The following RICTOR variants were observed in gnomAD, a reference collection of about 807,000 sequenced individuals.
RICTOR encodes the protein rapamycin-insensitive companion of mTOR.
In RICTOR, 49 loss-of-function variants were observed where a neutral mutation model predicts 214.9. That is an observed-to-expected ratio of 0.23 (90% CI 0.18 to 0.29). The LOEUF (loss-of-function observed/expected upper bound fraction) is 0.29, where lower values mean the gene tolerates loss of function less well. Ranked by LOEUF, RICTOR falls within the 10% of genes least tolerant of loss-of-function variation. The probability of loss-of-function intolerance (pLI) is 1.00; values close to 1 mark genes in which losing one functional copy is unlikely to be tolerated. For missense variants in RICTOR, 1,625 were observed against 2,047.0 expected, an observed-to-expected ratio of 0.79 and a Z score of 3.98; for synonymous variants, 717 against 711.3, an observed-to-expected ratio of 1.01 and a Z score of -0.13.
chr5:38,999,027 C>CAAAAAAAAAAAAAAA (rs1186312478), intron 5 of RICTOR, among the ~76,000 whole-genome samples: 5 of 25,326 alleles, frequency 2.0e-4, no homozygotes, highest in African/African-American at 3.1e-4. Context: ...AACAAACAGG[C>CAAAAAAAAAAAAAAA]AAAAAAAAAA....
At chr5:38,995,457 G>C (rs1482821825) in intron 6 of RICTOR, among the ~76,000 whole-genome samples, 1 of 151,896 alleles carries the variant, frequency 6.6e-6, no homozygotes, top group Non-Finnish European at 1.5e-5. Flanking sequence ...ATTACATACG[G>C]GGTACAGTGT....
In RICTOR at chr5:38,981,873, T is replaced by A. The variant is rs1192962780; in HGVS notation, c.747A>T (p.Glu249Asp). Residue 249 changes from glutamate (E) to aspartate (D), a missense_variant, in exon 8 of 38, where the codon GAA becomes GAT. Transcript: ENST00000357387. Reference sequence around the variant, plus strand: ...AGAATATTAAAGTTCCTACCTCTAATTCTACATCAGCTCGCACATACTGTC... The same window carrying A: ...AGAATATTAAAGTTCCTACCTCTAAATCTACATCAGCTCGCACATACTGTC... ...KTRQYVRADVELERILAPYTD... is the reference protein window; with the variant it reads ...KTRQYVRADVDLERILAPYTD... 27 of 1,606,132 alleles carry A rather than the reference T, an allele frequency of 1.7e-5. No homozygotes were observed. Among genetic ancestry groups the A allele is most frequent in the Non-Finnish European group, 2.3e-5 (27 of 1,174,274 alleles).
At chr5:38,992,693 T>C (rs1752876405) in intron 6 of RICTOR, among the ~76,000 whole-genome samples, 1 of 152,202 alleles carries the variant, frequency 6.6e-6, no homozygotes, top group Non-Finnish European at 1.5e-5. Flanking sequence ...AAAATCACTC[T>C]TCTTATTTTC....
chr5:39,021,165 C>G (rs771724718), intron 2 of RICTOR, 29 bp from the exon 3 acceptor site: 2 of 1,147,592 alleles, frequency 1.7e-6, no homozygotes, highest in African/African-American at 1.5e-5. Flanking sequence ...CAATTTAACA[C>G]AATTTTATGA....
At chr5:38,972,088 C>A (rs1750835113) in intron 10 of RICTOR, 129 bp from the exon 11 acceptor site, 4 of 542,690 alleles carry the variant, frequency 7.4e-6, no homozygotes, top group Non-Finnish European at 1.3e-5. Context: ...ATTTGGTCAT[C>A]ATAAGAACTA....
intron 7 of RICTOR, among the ~76,000 whole-genome samples, chr5:38,984,736 C>CA (rs897100533): frequency 2.0e-5 from 3 of 151,670 alleles, no homozygotes; most frequent in African/African-American, 7.3e-5. Context: ...CTTCAGGTGG[C>CA]AAAAAAACAT....
chr5:38,996,337 G>A (rs1197849444), intron 6 of RICTOR, among the ~76,000 whole-genome samples: 1 of 152,174 alleles, frequency 6.6e-6, no homozygotes, highest in African/African-American at 2.4e-5. Context: ...CTTGTGGAGT[G>A]TAGGCTGTGA....
At chr5:39,012,821 T>G (rs1044817718) in intron 3 of RICTOR, among the ~76,000 whole-genome samples, 1 of 152,186 alleles carries the variant, frequency 6.6e-6, no homozygotes, top group African/African-American at 2.4e-5. Flanking sequence ...GCACTCCCCA[T>G]GCCATCCATG....
chr5:39,050,725 T>A (rs779835092), intron 2 of RICTOR, among the ~76,000 whole-genome samples: 7 of 152,142 alleles, frequency 4.6e-5, no homozygotes, highest in Non-Finnish European at 1.0e-4. Flanking sequence ...AAATACATAC[T>A]GATGATCTGC....
intron 2 of RICTOR, among the ~76,000 whole-genome samples, chr5:39,024,482 T>A (rs1047653825): frequency 3.3e-5 from 5 of 152,170 alleles, no homozygotes; most frequent in Admixed American, 2.0e-4. Flanking sequence ...TATAAGCAAG[T>A]CAATGGCATT....
In RICTOR at chr5:39,065,670, T is replaced by C. The variant is rs182971071; in HGVS notation, c.97+8441A>G. On this transcript the variant is annotated intron_variant, in intron 2 of 37. Coordinates refer to ENST00000357387, the MANE Select transcript of RICTOR (RefSeq NM_152756.5). ...TGAGGATATAGGCATTGGATAAACA[T>C]TGCCATTTCAAAAAGGAGAAATCAA... 2.7e-3 allele frequency among the ~76,000 whole-genome samples: 410 copies of C among 152,304 alleles called. 2 individuals carry two copies. The highest frequency in any genetic ancestry group is 9.2e-3 in the African/African-American group (383 of 41,558).
At chr5:39,034,438 C>T (rs1756505095) in intron 2 of RICTOR, among the ~76,000 whole-genome samples, 1 of 152,350 alleles carries the variant, frequency 6.6e-6, no homozygotes, top group South Asian at 2.1e-4. Flanking sequence ...GTAACGGGTT[C>T]ATCTCACTGG....
intron 2 of RICTOR, among the ~76,000 whole-genome samples, chr5:39,049,885 C>T (rs1007410096): frequency 6.6e-6 from 1 of 151,882 alleles, no homozygotes; most frequent in South Asian, 2.1e-4. Context: ...AGTTTAACAA[C>T]CAAGAAAGAT....
intron 9 of RICTOR, among the ~76,000 whole-genome samples, chr5:38,977,273 C>G (rs1026837029): frequency 3.3e-5 from 5 of 152,154 alleles, no homozygotes; most frequent in Non-Finnish European, 5.9e-5. Context: ...ACCAGAGCCT[C>G]CAGGCAAGAC....
chr5:38,967,178 G>T lies in RICTOR; in HGVS notation c.1201C>A (p.Arg401Ser). 2 of 1,608,818 alleles carry T rather than the reference G, an allele frequency of 1.2e-6. No individual in the cohort carries two copies. Among genetic ancestry groups the T allele is most frequent in the South Asian group, 2.2e-5 (2 of 90,934 alleles). Residue 401 changes from arginine to serine, a missense_variant, in exon 14 of 38, where the codon CGT (arginine) becomes AGT (serine). Arg to Ser is a moderately radical substitution (Grantham distance 110). Coordinates refer to ENST00000357387, the MANE Select transcript of RICTOR (RefSeq NM_152756.5). ...YLALILSAFIRNGLLEGLVEV... is the reference protein window; with the variant it reads ...YLALILSAFISNGLLEGLVEV... The stretch of plus-strand genomic sequence containing the variant: ...AGTCTTACCTCTAAAAGTCCATTAC[G>T]AATAAATGCAGAGAGTATCAGTGCC...
chr5:39,064,932 A>C (rs1398139283), intron 2 of RICTOR, among the ~76,000 whole-genome samples: 1 of 152,214 alleles, frequency 6.6e-6, no homozygotes, highest in African/African-American at 2.4e-5. Context: ...TTGAAGCCAG[A>C]GAGGTTAAAT....
intron 2 of RICTOR, among the ~76,000 whole-genome samples, chr5:39,043,908 C>T (rs1757326994): frequency 6.6e-6 from 1 of 152,170 alleles, no homozygotes; most frequent in African/African-American, 2.4e-5. Flanking sequence ...AAGAAGGTGT[C>T]GTCAGACAGC....
intron 2 of RICTOR, among the ~76,000 whole-genome samples, chr5:39,054,482 C>G (rs1758072607): frequency 6.6e-6 from 1 of 152,232 alleles, no homozygotes; most frequent in South Asian, 2.1e-4. Context: ...ATTTTCAGTA[C>G]TTCTTCATAT....
At chr5:38,947,644 T>C (rs1267896181) in intron 31 of RICTOR, among the ~76,000 whole-genome samples, 4 of 152,110 alleles carry the variant, frequency 2.6e-5, no homozygotes, top group Non-Finnish European at 4.4e-5. Context: ...ACCAGTAATG[T>C]TGACTGTTAC....
Sources: allele counts gnomAD v4.1 joint callset (sites outside exome capture counted in the v4.1 genomes callset), GRCh38; gene constraint gnomAD v4.1.1; transcripts MANE v1.5; gene names NCBI Gene and HGNC (gene_info 2026-07-23, HGNC 2026-07-21).